DENND2B: variants seen among roughly 807,000 people sequenced by gnomAD.
The protein encoded by DENND2B is DENN domain-containing protein 2B.
Under a neutral mutation model 116.0 loss-of-function variants are expected in DENND2B, and 32 were observed. The ratio of observed to expected loss-of-function variants is 0.28; its 90% CI spans 0.21 to 0.37. DENND2B has a LOEUF of 0.37. Among genes scored for constraint, DENND2B ranks in the 10% least tolerant of loss-of-function variants. DENND2B has a pLI of 1.00. For synonymous variants in DENND2B, 588 were observed against 583.9 expected (o/e 1.01, Z -0.10); for missense variants, 1,276 against 1,477.7 (o/e 0.86, Z 2.24).
chr11:8,774,885 T>TTTTTC, intron 1 of DENND2B, among the ~76,000 whole-genome samples: 1 of 151,526 alleles, frequency 6.6e-6, no homozygotes, highest in African/African-American at 2.4e-5. Flanking sequence ...TAATTATTAT[T>TTTTTC]TTCACTTTTT....
intron 3 of DENND2B, among the ~76,000 whole-genome samples, chr11:8,846,525 G>A (rs1349276501): frequency 2.0e-5 from 3 of 152,162 alleles, no homozygotes; most frequent in Admixed American, 6.5e-5. Context: ...GAGCCAAGAC[G>A]CGGCTGCTTG....
chr11:8,766,147 T>C (rs1198938668), intron 1 of DENND2B, among the ~76,000 whole-genome samples: 1 of 150,478 alleles, frequency 6.6e-6, no homozygotes, highest in Non-Finnish European at 1.5e-5. Flanking sequence ...AGTTTGGGAG[T>C]CTCTGCAGCA....
At chr11:8,801,468 G>A (rs758294670) in intron 1 of DENND2B, among the ~76,000 whole-genome samples, 9 of 152,128 alleles carry the variant, frequency 5.9e-5, no homozygotes. Context: ...CCTGAGCTCA[G>A]GAGTTCGAGA....
chr11:8,820,419 TC>T (rs2061717739), intron 4 of DENND2B, among the ~76,000 whole-genome samples: 1 of 152,202 alleles, frequency 6.6e-6, no homozygotes, highest in South Asian at 2.1e-4. Context: ...AGGGAGAATA[TC>T]CTAAGAGAAA....
At chr11:8,807,977 C>T (rs1272875636) in intron 1 of DENND2B, 1 of 152,158 alleles carries the variant, frequency 6.6e-6, no homozygotes, top group Admixed American at 6.5e-5. Flanking sequence ...GCCCTTTCGA[C>T]TCAATGAGGA....
chr11:8,703,090 C>A (rs1213486985), intron 13 of DENND2B: 1 of 224,480 alleles, frequency 4.5e-6, no homozygotes, highest in African/African-American at 2.3e-5. Flanking sequence ...CCTCCCCAGA[C>A]AAAGGTCTAA....
At chr11:8,700,098 C>G in intron 14 of DENND2B, 1 of 442,044 alleles carries the variant, frequency 2.3e-6, no homozygotes, top group African/African-American at 2.0e-5. Context: ...GGAAGCTCAG[C>G]CCTGAATTAG....
intron 1 of DENND2B, among the ~76,000 whole-genome samples, chr11:8,900,918 G>A (rs971100596): frequency 7.3e-5 from 11 of 151,708 alleles, no homozygotes; most frequent in East Asian, 2.0e-4. Context: ...GCAGTGAGCC[G>A]AGATCATGCC....
chr11:8,718,192 C>T, intron 4 of DENND2B: 2 of 727,612 alleles, frequency 2.7e-6, no homozygotes, highest in Non-Finnish European at 4.7e-6. Flanking sequence ...TCAGCCACCC[C>T]TGCCTGTGCC....
chr11:8,865,645 A>ACT (rs1189343124), intron 2 of DENND2B, among the ~76,000 whole-genome samples: 1 of 151,616 alleles, frequency 6.6e-6, no homozygotes, highest in African/African-American at 2.4e-5. Flanking sequence ...GAAAACAGTA[A>ACT]AAGTAGGAAA....
intron 2 of DENND2B, among the ~76,000 whole-genome samples, chr11:8,749,911 T>C (rs2052041584): frequency 6.6e-6 from 1 of 152,212 alleles, no homozygotes; most frequent in South Asian, 2.1e-4. Context: ...GAGAGTACTG[T>C]GCATCTATCT....
chr11:8,778,864 A>G (rs1467729915), intron 1 of DENND2B, among the ~76,000 whole-genome samples: 1 of 152,268 alleles, frequency 6.6e-6, no homozygotes, highest in African/African-American at 2.4e-5. Context: ...ATGAAAGGGC[A>G]GTTCCTCCCC....
chr11:8,748,130 A>G (rs1268456907), intron 2 of DENND2B, among the ~76,000 whole-genome samples: 5 of 152,098 alleles, frequency 3.3e-5, no homozygotes, highest in Admixed American at 3.3e-4. Context: ...GACGTAGCCA[A>G]AGTGTCAAAG....
intron 13 of DENND2B, among the ~76,000 whole-genome samples, chr11:8,705,035 A>G (rs1179183421): frequency 1.3e-5 from 2 of 152,124 alleles, no homozygotes; most frequent in Non-Finnish European, 2.9e-5. Context: ...AATCAAAGCC[A>G]TCAGATGAGA....
intron 4 of DENND2B, among the ~76,000 whole-genome samples, chr11:8,833,074 C>T (rs187493570): frequency 5.5e-4 from 84 of 152,348 alleles, no homozygotes; most frequent in African/African-American, 1.9e-3. Flanking sequence ...GAGGGCAAAC[C>T]GGAGGGGAAG....
At chr11:8,736,496 C>T (rs1004698997) in intron 2 of DENND2B, among the ~76,000 whole-genome samples, 13 of 152,048 alleles carry the variant, frequency 8.5e-5, no homozygotes, top group African/African-American at 2.7e-4. Context: ...CTCTGTGAGA[C>T]GGTTTGGGGG....
At chr11:8,718,685 G>C in intron 4 of DENND2B, 1 of 1,197,702 alleles carries the variant, frequency 8.3e-7, no homozygotes, top group Non-Finnish European at 1.0e-6. Flanking sequence ...GCCAAAGGGT[G>C]GGGGTGAGGG....
chr11:8,856,663 T>C (rs1475027721), intron 3 of DENND2B, among the ~76,000 whole-genome samples: 2 of 152,126 alleles, frequency 1.3e-5, no homozygotes, highest in African/African-American at 2.4e-5. Context: ...GCTCCCCTGA[T>C]GGAAAGGCAG....
At chr11:8,835,877 G>C (rs560182153) in intron 4 of DENND2B, among the ~76,000 whole-genome samples, 2 of 152,202 alleles carry the variant, frequency 1.3e-5, no homozygotes, top group African/African-American at 4.8e-5. Flanking sequence ...GAGCCTACGG[G>C]GAATGCTCAC....
Sources: allele counts gnomAD v4.1 joint callset (sites outside exome capture counted in the v4.1 genomes callset), GRCh38; gene constraint gnomAD v4.1.1; transcripts MANE v1.5; gene names NCBI Gene and HGNC (gene_info 2026-07-23, HGNC 2026-07-21).